The following SGPP2 variants were observed in gnomAD, a reference collection of about 807,000 sequenced individuals.
SGPP2 encodes sphingosine-1-phosphate phosphatase 2.
In SGPP2, 30 loss-of-function variants were observed where a neutral mutation model predicts 33.9. That is an observed-to-expected ratio of 0.89 (90% CI 0.66 to 1.20). The LOEUF (loss-of-function observed/expected upper bound fraction) is 1.20, where lower values mean the gene tolerates loss of function less well. SGPP2 is among the 50% of genes most tolerant of loss of function. SGPP2 has a pLI of 0.00. For synonymous variants in SGPP2, 233 were observed against 225.0 expected, an observed-to-expected ratio of 1.04 and a Z score of -0.32; for missense variants, 458 against 532.1, an observed-to-expected ratio of 0.86 and a Z score of 1.37.
chr2:222,486,142 A>G (rs934795718), intron 2 of SGPP2, among the ~76,000 whole-genome samples: 1 of 152,098 alleles, frequency 6.6e-6, no homozygotes, highest in African/African-American at 2.4e-5. Flanking sequence ...GATGGGCTGC[A>G]CGGTGGCAGG....
Position 222,474,588 on chromosome 2 carries a change from C to A in SGPP2, c.240C>A (p.Val80=). The change falls in exon 2 of 5, where the codon GTC becomes GTA. Residue 80 remains valine (V), a synonymous_variant. Coordinates refer to ENST00000321276, the MANE Select transcript of SGPP2 (RefSeq NM_152386.4). The part of the protein sequence containing the change: ...AAPEAYVQKY[V]VKNYFYYYLF... ...TTTAGGCTTATGTACAGAAGTACGT[C>A]GTGAAGAATTATTTCTACTATTACC... 6.2e-7 allele frequency: 1 copy of A among 1,613,910 alleles called. No homozygotes were observed. Among genetic ancestry groups the A allele is most frequent in the Non-Finnish European group, 8.5e-7 (1 of 1,179,948 alleles).
At chr2:222,425,262 C>G (rs1697046398) in intron 1 of SGPP2, among the ~76,000 whole-genome samples, 1 of 151,962 alleles carries the variant, frequency 6.6e-6, no homozygotes, top group Non-Finnish European at 1.5e-5. Flanking sequence ...CGGGTGCAGC[C>G]GGGCTCAGCG....
intron 1 of SGPP2, among the ~76,000 whole-genome samples, chr2:222,442,398 T>C (rs1266031306): frequency 6.6e-6 from 1 of 152,222 alleles, no homozygotes; most frequent in Admixed American, 6.5e-5. Flanking sequence ...TAAATAACAA[T>C]ACTTAGTACT....
intron 1 of SGPP2, among the ~76,000 whole-genome samples, chr2:222,445,833 C>T (rs1347035592): frequency 6.6e-6 from 1 of 152,178 alleles, no homozygotes; most frequent in Non-Finnish European, 1.5e-5. Flanking sequence ...CTACTACCTG[C>T]CTCATCATCT....
intron 1 of SGPP2, 111 bp from the exon 2 acceptor site, chr2:222,474,457 T>A: frequency 1.1e-6 from 1 of 872,604 alleles, no homozygotes; most frequent in Non-Finnish European, 1.8e-6. Flanking sequence ...AATAACATAA[T>A]GGGAGAGGAG....
chr2:222,437,711 G>A (rs1697265647), intron 1 of SGPP2, among the ~76,000 whole-genome samples: 1 of 152,184 alleles, frequency 6.6e-6, no homozygotes, highest in South Asian at 2.1e-4. Context: ...AAAGCACCCA[G>A]TTCATGACGG....
chr2:222,494,834 T>C (rs1698251835), intron 2 of SGPP2, among the ~76,000 whole-genome samples: 2 of 152,232 alleles, frequency 1.3e-5, no homozygotes, highest in Non-Finnish European at 2.9e-5. Context: ...AAGTTTGTCT[T>C]TTTCTCTGTG....
rs1689538852 is a variant in SGPP2, at chr2:222,561,516, T to TTA, written c.*2618_*2619insTA. ...AGTGGGTGCTGGCCTCTCATATATA[T>TTA]GATATATATATATCATTTTATATAT... is the stretch of plus-strand genomic sequence containing the variant. On this transcript the variant is annotated 3_prime_UTR_variant, in exon 5 of 5. Transcript: ENST00000321276. 8.6e-6 allele frequency among the ~76,000 whole-genome samples: 1 copy of TTA among 115,700 alleles called. No homozygotes were observed. Among genetic ancestry groups the TTA allele is most frequent in the Non-Finnish European group, 2.0e-5 (1 of 49,870 alleles). 75.9% of individuals were successfully genotyped at this position (115,700 alleles called of 152,430 possible). A position where few individuals can be genotyped will look rare whatever the true frequency, so the allele number is the denominator to read the frequency against.
intron 2 of SGPP2, among the ~76,000 whole-genome samples, chr2:222,483,256 G>A (rs1183670415): frequency 6.6e-6 from 1 of 152,040 alleles, no homozygotes; most frequent in Non-Finnish European, 1.5e-5. Context: ...CAACATGACT[G>A]AAGGAATGCT....
At chr2:222,488,585 G>A (rs1054259345) in intron 2 of SGPP2, among the ~76,000 whole-genome samples, 5 of 152,118 alleles carry the variant, frequency 3.3e-5, no homozygotes, top group African/African-American at 1.2e-4. Context: ...TTGAGATACT[G>A]GTTGAACCTA....
intron 4 of SGPP2, among the ~76,000 whole-genome samples, chr2:222,530,817 A>G (rs531059867): frequency 6.6e-6 from 1 of 152,268 alleles, no homozygotes; most frequent in African/African-American, 2.4e-5. Flanking sequence ...CTTTTGGCCT[A>G]TCTCAGTTTT....
intron 1 of SGPP2, among the ~76,000 whole-genome samples, chr2:222,459,622 GGTGT>G (rs145273176): frequency 6.6e-6 from 1 of 150,678 alleles, no homozygotes; most frequent in Admixed American, 6.6e-5. Context: ...TGCGTGCATG[GGTGT>G]GTGTGTGTGT....
intron 4 of SGPP2, among the ~76,000 whole-genome samples, chr2:222,526,351 G>A (rs911647629): frequency 1.3e-5 from 2 of 152,158 alleles, no homozygotes; most frequent in Non-Finnish European, 2.9e-5. Context: ...AATAAGAAAG[G>A]AGCAATGAAG....
chr2:222,502,625 C>T (rs560418054), intron 2 of SGPP2, among the ~76,000 whole-genome samples: 8 of 152,258 alleles, frequency 5.3e-5, no homozygotes, highest in South Asian at 4.2e-4. Flanking sequence ...TTATAATATG[C>T]GCTGTAGATA....
chr2:222,529,685 C>T (rs1559171308), intron 4 of SGPP2, among the ~76,000 whole-genome samples: 1 of 152,176 alleles, frequency 6.6e-6, no homozygotes, highest in Non-Finnish European at 1.5e-5. Context: ...GAAGTCGTAA[C>T]CCCCTCAAAG....
chr2:222,538,599 CT>C (rs1357021673), intron 4 of SGPP2, among the ~76,000 whole-genome samples: 1 of 152,184 alleles, frequency 6.6e-6, no homozygotes, highest in East Asian at 1.9e-4. Flanking sequence ...GTATATGAAG[CT>C]TCCTTGTTTT....
intron 2 of SGPP2, among the ~76,000 whole-genome samples, chr2:222,515,365 G>T (rs1698589122): frequency 6.6e-6 from 1 of 152,068 alleles, no homozygotes. Flanking sequence ...GTCTCGCTCT[G>T]TCACCCAGGC....
intron 1 of SGPP2, among the ~76,000 whole-genome samples, chr2:222,457,750 C>A (rs1030903354): frequency 6.6e-6 from 1 of 152,200 alleles, no homozygotes; most frequent in Admixed American, 6.5e-5. Context: ...GAACAGCCAT[C>A]CTCAACCAGG....
chr2:222,525,472 C>T (rs931564404), intron 4 of SGPP2, among the ~76,000 whole-genome samples: 3 of 152,180 alleles, frequency 2.0e-5, no homozygotes, highest in Admixed American at 6.5e-5. Context: ...GTCAGAGGAG[C>T]CCGGTATCAC....
Sources: allele counts gnomAD v4.1 joint callset (sites outside exome capture counted in the v4.1 genomes callset), GRCh38; gene constraint gnomAD v4.1.1; transcripts MANE v1.5; gene names NCBI Gene and HGNC (gene_info 2026-07-23, HGNC 2026-07-21).